PPM1H: variants seen among roughly 807,000 people sequenced by gnomAD.
The protein encoded by PPM1H is protein phosphatase 1H.
PPM1H carries 27 observed loss-of-function variants against 54.9 expected under a neutral mutation model. The observed-to-expected ratio is 0.49, with a 90% CI of 0.36 to 0.68. The LOEUF (loss-of-function observed/expected upper bound fraction) is 0.68. Among genes scored for constraint, PPM1H ranks in the 30% least tolerant of loss-of-function variants. The pLI is 0.00. For synonymous variants in PPM1H, 305 were observed against 270.8 expected, an observed-to-expected ratio of 1.13 and a Z score of -1.24; for missense variants, 596 against 667.8, an observed-to-expected ratio of 0.89 and a Z score of 1.19.
chr12:62,929,573 C>T (rs562635920), intron 1 of PPM1H, among the ~76,000 whole-genome samples: 35 of 152,144 alleles, frequency 2.3e-4, no homozygotes, highest in Non-Finnish European at 4.1e-4. Flanking sequence ...AGCAGAGATG[C>T]GGATGTCTAC....
chr12:62,820,066 C>T (rs1485743846), intron 2 of PPM1H, among the ~76,000 whole-genome samples: 11 of 152,218 alleles, frequency 7.2e-5, no homozygotes, highest in Admixed American at 7.2e-4. Flanking sequence ...AGGACACTCC[C>T]GCCCAAATAC....
Position 62,934,863 on chromosome 12 carries a change from G to T in PPM1H, c.-127C>A. On this transcript the variant is annotated 5_prime_UTR_variant, in exon 1 of 10. Transcript: ENST00000228705. This position sits in a 1 kb window ranked among gnomAD's most constrained non-coding sequence, Gnocchi z 4.2. ...GCGAGTCGGGCCACTGGGACGCGCC[G>T]CGCGCGGCTCCCAGAGCCTAGTGCT... is the stretch of plus-strand genomic sequence containing the variant. The T allele has an allele frequency of 1.0e-6, 1 of 980,542 alleles. No individual in the cohort carries two copies. Among genetic ancestry groups the T allele is most frequent in the Non-Finnish European group, 1.3e-6 (1 of 763,710 alleles). The allele number at this position is 980,542 out of a possible 1,614,324, so 60.7% of individuals were successfully genotyped here.
chr12:62,898,022 G>A (rs1871048927), intron 1 of PPM1H, among the ~76,000 whole-genome samples: 1 of 152,142 alleles, frequency 6.6e-6, no homozygotes, highest in Non-Finnish European at 1.5e-5. Context: ...GGTACCAACT[G>A]TATAGTCCAG....
chr12:62,901,124 A>G (rs1213846482), intron 1 of PPM1H, among the ~76,000 whole-genome samples: 1 of 152,218 alleles, frequency 6.6e-6, no homozygotes, highest in Non-Finnish European at 1.5e-5. Flanking sequence ...AACACAGCAG[A>G]GATTCTAGTC....
chr12:62,887,764 G>A (rs1565820333), intron 1 of PPM1H, among the ~76,000 whole-genome samples: 1 of 152,230 alleles, frequency 6.6e-6, no homozygotes, highest in Non-Finnish European at 1.5e-5. Flanking sequence ...TGATGGTCAT[G>A]GAGGGCCACA....
intron 9 of PPM1H, chr12:62,658,993 T>C: frequency 1.4e-6 from 1 of 721,248 alleles, no homozygotes; most frequent in Non-Finnish European, 2.6e-6. Context: ...TGCCCAACAT[T>C]GGTTATGGGA....
intron 2 of PPM1H, among the ~76,000 whole-genome samples, chr12:62,824,030 C>T (rs1459242031): frequency 1.3e-5 from 2 of 151,326 alleles, no homozygotes; most frequent in Admixed American, 6.6e-5. Context: ...TCTCCTTAAG[C>T]TGATAGGCAA....
At chr12:62,848,926 G>T (rs1592633915) in intron 1 of PPM1H, among the ~76,000 whole-genome samples, 1 of 152,158 alleles carries the variant, frequency 6.6e-6, no homozygotes, top group South Asian at 2.1e-4. Context: ...GGGGACTGGG[G>T]ACTAGGATAA....
At chr12:62,666,838 C>T (rs531138841) in intron 9 of PPM1H, among the ~76,000 whole-genome samples, 7 of 152,250 alleles carry the variant, frequency 4.6e-5, no homozygotes, top group East Asian at 1.9e-4. Context: ...CTCTGCCTCC[C>T]GAGTAACTGG....
At chr12:62,732,703 C>A (rs141598714) in intron 5 of PPM1H, among the ~76,000 whole-genome samples, 2,851 of 151,832 alleles carry the variant, frequency 0.019, 50 homozygotes, top group East Asian at 0.073. Flanking sequence ...TCCCGAGTAG[C>A]TGGGACTACA....
intron 4 of PPM1H, among the ~76,000 whole-genome samples, chr12:62,773,376 G>A (rs1435047950): frequency 1.3e-5 from 2 of 152,212 alleles, no homozygotes; most frequent in Non-Finnish European, 2.9e-5. Flanking sequence ...TTGGGAGGCT[G>A]AGGTGGAAGG....
Position 62,667,461 on chromosome 12 carries a change from T to C in PPM1H, c.1246-132A>G. The C allele has an allele frequency of 7.5e-6, 6 of 797,506 alleles. No individual in the cohort carries two copies. In the South Asian group the frequency reaches 1.2e-4, roughly 16 times the overall value. The allele number at this position is 797,506 out of a possible 1,614,324, so 49.4% of individuals were successfully genotyped here. Reference sequence around the variant, plus strand: ...TTTCAGATATGCATTGTAGGGTACTTGATTATACAGCGAGCTGTGTGGCCA... The same window carrying C: ...TTTCAGATATGCATTGTAGGGTACTCGATTATACAGCGAGCTGTGTGGCCA... On this transcript the variant is annotated intron_variant, in intron 8 of 9. Coordinates refer to ENST00000228705, the MANE Select transcript of PPM1H (RefSeq NM_020700.2).
At chr12:62,845,576 C>A (rs1193066990) in intron 1 of PPM1H, among the ~76,000 whole-genome samples, 1 of 152,148 alleles carries the variant, frequency 6.6e-6, no homozygotes, top group Non-Finnish European at 1.5e-5. Flanking sequence ...CCCAACTAGA[C>A]CTTTAATACG....
Position 62,715,314 on chromosome 12 carries a change from G to A in PPM1H, c.1073+4857C>T, listed in dbSNP as rs11174618. On this transcript the variant is annotated intron_variant, in intron 6 of 9. Coordinates refer to ENST00000228705, the MANE Select transcript of PPM1H (RefSeq NM_020700.2). ...GGCACCGGGACCAATGACACCATGC[G>A]CAGGAGGTGAGAGCCAAGGGGGTGA... 2.0e-4 allele frequency among the ~76,000 whole-genome samples: 31 copies of A among 152,246 alleles called. No homozygotes were observed. In the East Asian group the frequency reaches 4.8e-3, roughly 24 times the overall value.
chr12:62,832,509 C>T (rs4762981), intron 1 of PPM1H, among the ~76,000 whole-genome samples: 14,260 of 152,190 alleles, frequency 0.094, 1,152 homozygotes, highest in African/African-American at 0.22. Context: ...GTTTTGAGAC[C>T]TGTTCACCCA....
chr12:62,802,027 T>C lies in PPM1H; in HGVS notation c.545A>G (p.Lys182Arg). The C allele has an allele frequency of 6.2e-7, 1 of 1,613,544 alleles. No individual in the cohort carries two copies. The highest frequency in any genetic ancestry group is 8.5e-7 in the Non-Finnish European group (1 of 1,179,790). The stretch of plus-strand genomic sequence containing the variant: ...GGTAGGGGGCAGGACGGCGGAGTTC[T>C]TCAGGATGTCCACGATGTCCTGCAG... ...EQLQDIVDIL[K>R]NSAVLPPTCL... Residue 182 changes from lysine to arginine, a missense_variant, in exon 3 of 10, where the codon AAG becomes AGG. By Grantham distance (26) the Lys-to-Arg change is conservative. Transcript: ENST00000228705.
intron 2 of PPM1H, among the ~76,000 whole-genome samples, chr12:62,823,523 A>C (rs1388440777): frequency 1.3e-5 from 2 of 152,226 alleles, no homozygotes; most frequent in Non-Finnish European, 2.9e-5. Flanking sequence ...AACTGAATCC[A>C]GCAGCTCATC....
At chr12:62,919,227 G>A (rs1421175766) in intron 1 of PPM1H, among the ~76,000 whole-genome samples, 3 of 152,174 alleles carry the variant, frequency 2.0e-5, no homozygotes, top group Admixed American at 6.5e-5. Context: ...CATCAGGGAC[G>A]TTAAAATAGT....
chr12:62,810,086 G>C (rs975689268), intron 2 of PPM1H, among the ~76,000 whole-genome samples: 1 of 151,918 alleles, frequency 6.6e-6, no homozygotes, highest in Admixed American at 6.6e-5. Context: ...ATGAGTGTCT[G>C]GTACAGAATA....
Sources: gnomAD v4.1 joint callset for allele counts (sites outside exome capture counted in the v4.1 genomes callset) on GRCh38, gnomAD v4.1.1 for gene constraint, Gnocchi (gnomAD v3.1) non-coding constraint, MANE v1.5 for transcripts, NCBI Gene and HGNC (gene_info 2026-07-23, HGNC 2026-07-21) for gene names.